FAM135B: variants seen among roughly 807,000 people sequenced by gnomAD.
FAM135B encodes protein FAM135B.
FAM135B carries 43 observed loss-of-function variants against 127.7 expected under a neutral mutation model. The observed-to-expected ratio is 0.34, with a 90% confidence interval of 0.26 to 0.43. FAM135B has a LOEUF of 0.43. Among genes scored for constraint, FAM135B ranks in the 20% least tolerant of loss-of-function variants. The pLI, the probability that FAM135B is intolerant of heterozygous loss-of-function variation, is 1.00. For missense variants in FAM135B, 1,558 were observed against 1,725.6 expected (o/e 0.90, Z 1.72); for synonymous variants, 670 against 665.1 (o/e 1.01, Z -0.11).
intron 7 of FAM135B, among the ~76,000 whole-genome samples, chr8:138,208,988 A>C (rs1360786117): frequency 6.6e-6 from 1 of 152,200 alleles, no homozygotes; most frequent in East Asian, 1.9e-4. Flanking sequence ...TGAATACATA[A>C]GTTGTTGTTA....
At position 138,160,247 on chromosome 8, in the gene FAM135B, C is replaced by T. The variant is rs1418086869; in HGVS notation, c.1259-7031G>A. 2.6e-5 allele frequency among the ~76,000 whole-genome samples: 4 copies of T among 152,174 alleles called. No homozygotes were observed. The South Asian group carries it at 6.2e-4, about 24-fold the overall frequency. ...AATAAAAATGCGATCAAATTTATGA[C>T]GCTTTCCTGAGTTCTGGGAGTCATT... On this transcript the variant is annotated intron_variant, in intron 12 of 19. Transcript: ENST00000395297.
At chr8:138,377,337 A>G (rs1405144638) in intron 1 of FAM135B, among the ~76,000 whole-genome samples, 1 of 152,258 alleles carries the variant, frequency 6.6e-6, no homozygotes, top group Non-Finnish European at 1.5e-5. Context: ...TTGTGAGAAT[A>G]GAGAAGGGAT....
intron 1 of FAM135B, among the ~76,000 whole-genome samples, chr8:138,488,702 C>G (rs530445417): frequency 4.6e-5 from 7 of 152,272 alleles, no homozygotes; most frequent in Admixed American, 3.3e-4. Context: ...GAGTCTCACT[C>G]TGTCGCCAGG....
chr8:138,221,598 T>C (rs1481079352), intron 7 of FAM135B, among the ~76,000 whole-genome samples: 2 of 152,104 alleles, frequency 1.3e-5, no homozygotes, highest in Non-Finnish European at 2.9e-5. Flanking sequence ...AAGGAAACAA[T>C]TCCCAGAGCT....
intron 7 of FAM135B, among the ~76,000 whole-genome samples, chr8:138,202,093 C>G (rs1162825752): frequency 8.1e-6 from 1 of 123,914 alleles, no homozygotes; most frequent in Non-Finnish European, 1.6e-5. Context: ...CCATTGCACT[C>G]CAGCCTGGGC....
chr8:138,474,233 AC>A (rs1814257791), intron 1 of FAM135B, among the ~76,000 whole-genome samples: 1 of 152,178 alleles, frequency 6.6e-6, no homozygotes, highest in African/African-American at 2.4e-5. Context: ...AGATGGATGA[AC>A]AAAAAGTAAG....
At chr8:138,404,083 C>T (rs893722765) in intron 1 of FAM135B, among the ~76,000 whole-genome samples, 2 of 151,966 alleles carry the variant, frequency 1.3e-5, no homozygotes, top group Non-Finnish European at 2.9e-5. Flanking sequence ...TATAGGTATA[C>T]CTTGGTGATG....
intron 1 of FAM135B, among the ~76,000 whole-genome samples, chr8:138,429,064 A>T (rs1835057989): frequency 6.6e-6 from 1 of 152,214 alleles, no homozygotes; most frequent in Non-Finnish European, 1.5e-5. Flanking sequence ...ACTGAAATGC[A>T]ATTTCCAATT....
chr8:138,204,996 T>C lies in FAM135B; in HGVS notation c.670-7327A>G, dbSNP rs535594751. Among the ~76,000 whole-genome samples the C allele has an allele frequency of 5.3e-5, 8 of 152,336 alleles. No individual in the cohort carries two copies. The East Asian group carries it at 1.5e-3, about 29-fold the overall frequency. ...GCTACTAACAGTCTAGTGTTCATGA[T>C]ATGTCTGCTGTGTGCCTGGTACTAT... On this transcript the variant is annotated intron_variant, in intron 7 of 19. Coordinates refer to ENST00000395297, the MANE Select transcript of FAM135B (RefSeq NM_015912.4).
At position 138,288,567 on chromosome 8, in the gene FAM135B, A is replaced by T. The variant is rs940892382; in HGVS notation, c.157+22274T>A. ...AAAGTTCCTGGCAAGGTGTGCAGGT[A>T]AGAGAAAGCAGGAGATGTTGAGGAA... is the stretch of plus-strand genomic sequence containing the variant. On this transcript the variant is annotated intron_variant, in intron 3 of 19. Coordinates refer to ENST00000395297, the MANE Select transcript of FAM135B (RefSeq NM_015912.4). Among the ~76,000 whole-genome samples, 5 of 152,138 alleles carry T rather than the reference A, an allele frequency of 3.3e-5. No individual in the cohort carries two copies. In the East Asian group the frequency reaches 9.7e-4, roughly 29 times the overall value.
chr8:138,447,241 G>C (rs1421137731), intron 1 of FAM135B, among the ~76,000 whole-genome samples: 9 of 152,200 alleles, frequency 5.9e-5, no homozygotes, highest in Non-Finnish European at 1.0e-4. Flanking sequence ...GTGGAAGATA[G>C]TGTGGCGATT....
At chr8:138,293,352 A>G (rs1825254728) in intron 3 of FAM135B, among the ~76,000 whole-genome samples, 1 of 152,192 alleles carries the variant, frequency 6.6e-6, no homozygotes, top group Admixed American at 6.5e-5. Flanking sequence ...CAAAGACTTT[A>G]TGACAAAGAA....
intron 1 of FAM135B, among the ~76,000 whole-genome samples, chr8:138,394,977 G>T (rs969060971): frequency 3.3e-5 from 5 of 152,150 alleles, no homozygotes; most frequent in Non-Finnish European, 5.9e-5. Flanking sequence ...GGACATGATT[G>T]GGTCACTTGT....
intron 5 of FAM135B, among the ~76,000 whole-genome samples, 162 bp from the exon 6 acceptor site, chr8:138,251,176 T>A (rs189638381): frequency 6.6e-6 from 1 of 152,200 alleles, no homozygotes; most frequent in East Asian, 1.9e-4. Flanking sequence ...TTTCCCACCA[T>A]TGGCAGATGA....
intron 1 of FAM135B, among the ~76,000 whole-genome samples, chr8:138,445,577 G>GA: frequency 6.6e-6 from 1 of 152,316 alleles, no homozygotes; most frequent in East Asian, 1.9e-4. Context: ...AATAGATGCA[G>GA]AAAAGGCCTT....
intron 1 of FAM135B, among the ~76,000 whole-genome samples, chr8:138,371,233 G>T (rs1415738378): frequency 6.6e-6 from 1 of 152,160 alleles, no homozygotes; most frequent in Non-Finnish European, 1.5e-5. Context: ...TTCATGATCA[G>T]TAGGGAGACA....
chr8:138,153,155 A>C lies in FAM135B; in HGVS notation c.1320T>G (p.Asn440Lys), dbSNP rs2130793095. 6.2e-7 allele frequency: 1 copy of C among 1,610,582 alleles called. No homozygotes were observed. Among genetic ancestry groups the C allele is most frequent in the Non-Finnish European group, 8.5e-7 (1 of 1,177,306 alleles). The change falls in exon 13 of 20, where the codon AAT becomes AAG. Residue 440 changes from asparagine to lysine, a missense_variant. Transcript: ENST00000395297. ...DVPVTSPTIM[N>K]LKDKEDNCMV... ...TACAGTTATCTTCCTTGTCTTTCAGATTCATTATTGTAGGACTTGTCACTG... is the reference window on the plus strand; with the variant it reads ...TACAGTTATCTTCCTTGTCTTTCAGCTTCATTATTGTAGGACTTGTCACTG...
intron 3 of FAM135B, among the ~76,000 whole-genome samples, chr8:138,269,262 G>GAGGGAT (rs1394185526): frequency 1.3e-5 from 2 of 152,206 alleles, no homozygotes; most frequent in African/African-American, 2.4e-5. Flanking sequence ...AGCAGCCCCA[G>GAGGGAT]AGGGATCTGT....
At chr8:138,185,757 A>G (rs761834685) in intron 9 of FAM135B, among the ~76,000 whole-genome samples, 2 of 152,210 alleles carry the variant, frequency 1.3e-5, no homozygotes, top group Non-Finnish European at 2.9e-5. Context: ...ATTATAACAA[A>G]TTAAACAACA....
Sources: gnomAD v4.1 joint callset for allele counts (sites outside exome capture counted in the v4.1 genomes callset) on GRCh38, gnomAD v4.1.1 for gene constraint, MANE v1.5 for transcripts, NCBI Gene and HGNC (gene_info 2026-07-23, HGNC 2026-07-21) for gene names.